Variants in CDC25A observed in about 807,000 individuals in gnomAD.
CDC25A encodes M-phase inducer phosphatase 1.
Under a neutral mutation model 64.6 loss-of-function variants are expected in CDC25A, and 17 were observed. That is an observed-to-expected ratio of 0.26 (90% CI 0.18 to 0.39). The LOEUF is 0.39. Ranked by LOEUF, CDC25A falls within the 10% of genes least tolerant of loss-of-function variation. CDC25A has a pLI of 1.00. For synonymous variants in CDC25A, 229 were observed against 238.6 expected (o/e 0.96, Z 0.37); for missense variants, 473 against 654.8 (o/e 0.72, Z 3.03).
chr3:48,181,781 C>T, intron 5 of CDC25A: 1 of 549,716 alleles, frequency 1.8e-6, no homozygotes, highest in Admixed American at 3.3e-5. Flanking sequence ...GAAATAAAAC[C>T]ATGAAGAATC....
At chr3:48,178,049 T>G in intron 6 of CDC25A, 61 bp from the exon 7 acceptor site, 1 of 1,482,818 alleles carries the variant, frequency 6.7e-7, no homozygotes, top group Non-Finnish European at 9.2e-7. Context: ...TTTCCTTGAA[T>G]GGGTCACTAG....
intron 5 of CDC25A, chr3:48,181,525 G>T (rs552597480): frequency 1.5e-6 from 2 of 1,337,132 alleles, no homozygotes; most frequent in Admixed American, 1.8e-5. Flanking sequence ...TCGGGGTCGC[G>T]GTCGGCACTG....
At chr3:48,162,654 T>C (rs1002771306) in intron 13 of CDC25A, among the ~76,000 whole-genome samples, 1 of 151,686 alleles carries the variant, frequency 6.6e-6, no homozygotes, top group Non-Finnish European at 1.5e-5. Context: ...GAGACCATCC[T>C]GGCTAAAATG....
chr3:48,170,454 G>A (rs148450433), intron 9 of CDC25A, among the ~76,000 whole-genome samples: 273 of 152,270 alleles, frequency 1.8e-3, no homozygotes, highest in African/African-American at 6.0e-3. Flanking sequence ...TATTATGAAG[G>A]ATATTCAAAG....
intron 6 of CDC25A, among the ~76,000 whole-genome samples, chr3:48,178,601 T>C (rs904181124): frequency 5.1e-4 from 77 of 152,184 alleles, no homozygotes; most frequent in Non-Finnish European, 5.9e-5. Flanking sequence ...GCTAATCCTT[T>C]CCTTTTTCTT....
intron 9 of CDC25A, among the ~76,000 whole-genome samples, 183 bp from the exon 10 acceptor site, chr3:48,168,127 T>C (rs2032108851): frequency 6.6e-6 from 1 of 150,524 alleles, no homozygotes; most frequent in Non-Finnish European, 1.5e-5. Flanking sequence ...CTAGGTCTCC[T>C]ATTATTCCAG....
chr3:48,163,282 T>TG (rs2031862047), intron 13 of CDC25A, among the ~76,000 whole-genome samples: 4 of 62,800 alleles, frequency 6.4e-5, no homozygotes, highest in African/African-American at 3.0e-4. Context: ...TGCCTCCGCC[T>TG]CAAAAAAAAA....
intron 6 of CDC25A, among the ~76,000 whole-genome samples, chr3:48,178,868 T>C (rs1451297406): frequency 6.6e-6 from 1 of 152,242 alleles, no homozygotes; most frequent in Non-Finnish European, 1.5e-5. Context: ...CAAACACTGC[T>C]AATACTGAAT....
Position 48,167,813 on chromosome 3 carries a change from T to TAAATACCC in CDC25A, c.1029+32_1029+33insGGGTATTT, listed in dbSNP as rs755384614. ...GATTCTAAATACCCACACTCCCTCC[T>TAAATACCC]ACACTTGCCAGAGCAGCTCTGCTTG... is the stretch of plus-strand genomic sequence containing the variant. On this transcript the variant is annotated intron_variant, in intron 10 of 14. Coordinates refer to ENST00000302506, the MANE Select transcript of CDC25A (RefSeq NM_001789.3). 5.0e-6 allele frequency: 6 copies of TAAATACCC among 1,200,094 alleles called. No homozygotes were observed. The East Asian group carries it at 1.4e-4, about 28-fold the overall frequency. 74.3% of individuals were successfully genotyped at this position (1,200,094 alleles called of 1,614,324 possible).
At chr3:48,173,304 A>C (rs2032337174) in intron 9 of CDC25A, among the ~76,000 whole-genome samples, 2 of 152,210 alleles carry the variant, frequency 1.3e-5, no homozygotes, top group African/African-American at 4.8e-5. Context: ...TATCTACAAC[A>C]AATGATAATA....
chr3:48,162,695 A>G (rs2031826642), intron 13 of CDC25A, among the ~76,000 whole-genome samples: 1 of 151,994 alleles, frequency 6.6e-6, no homozygotes, highest in Non-Finnish European at 1.5e-5. Context: ...AAAATACAAA[A>G]AAATTAGCCA....
At chr3:48,162,508 ACAGGTGCCAC>A (rs1045275958) in intron 13 of CDC25A, among the ~76,000 whole-genome samples, 8 of 151,866 alleles carry the variant, frequency 5.3e-5, no homozygotes, top group African/African-American at 1.9e-4. Context: ...TGTTGGGATT[ACAGGTGCCAC>A]TGTGCCCAGC....
chr3:48,173,599 C>G (rs1439901808), intron 9 of CDC25A, among the ~76,000 whole-genome samples: 2 of 152,184 alleles, frequency 1.3e-5, no homozygotes, highest in Admixed American at 1.3e-4. Flanking sequence ...GCCCAGCTGT[C>G]ATACAGTGCC....
rs542887546 is a variant in CDC25A at position 48,164,808 on chromosome 3, T to C, written c.1192-371A>G. ...CTATATTTAAACACTATTAATCGGG[T>C]AAAACATTAAAATGGCAGGCCAGGC... On this transcript the variant is annotated intron_variant, in intron 12 of 14. Transcript: ENST00000302506. Among the ~76,000 whole-genome samples, 290 of 151,940 alleles carry C rather than the reference T, an allele frequency of 1.9e-3. 3 individuals carry two copies. The highest frequency in any genetic ancestry group is 6.5e-3 in the African/African-American group (268 of 41,446).
In CDC25A at chr3:48,187,926, G is replaced by C; in HGVS notation, c.22C>G (p.Pro8Ala). ...GCGAAGAGCAGGCGGCGGCGGTGCG[G>C]GGGCTCCGGGCCCAGTTCCATGGCG... MELGPEP[P>A]HRRRLLFACS... Residue 8 changes from proline to alanine, a missense_variant, in exon 1 of 15, where the codon CCG (proline) becomes GCG (alanine). This residue lies in a region of CDC25A where 376 missense variants were observed against 431.9 expected (regional missense o/e 0.87). Coordinates refer to ENST00000302506, the MANE Select transcript of CDC25A (RefSeq NM_001789.3). 1 of 1,527,660 alleles carries C rather than the reference G, an allele frequency of 6.5e-7. No individual in the cohort carries two copies. The highest frequency in any genetic ancestry group is 2.3e-4 in the Middle Eastern group (1 of 4,312). The allele number at this position is 1,527,660 out of a possible 1,614,324, so 94.6% of individuals were successfully genotyped here.
chr3:48,186,625 C>T (rs766726183), intron 2 of CDC25A, 78 bp downstream of exon 2: 11 of 905,832 alleles, frequency 1.2e-5, no homozygotes, highest in Middle Eastern at 2.2e-4. Context: ...CAAGTTCTCA[C>T]CAAAACTAAC....
intron 13 of CDC25A, among the ~76,000 whole-genome samples, chr3:48,160,708 C>T (rs146493600): frequency 1.3e-5 from 2 of 152,256 alleles, no homozygotes; most frequent in Non-Finnish European, 2.9e-5. Flanking sequence ...GCTCTTCTCC[C>T]TCAGTATCTA....
chr3:48,182,351 A>C (rs1240463690), intron 5 of CDC25A, among the ~76,000 whole-genome samples: 1 of 152,180 alleles, frequency 6.6e-6, no homozygotes, highest in African/African-American at 2.4e-5. Flanking sequence ...AAAAATTACA[A>C]CTGTTTTGGA....
chr3:48,173,608 C>A (rs2032348691), intron 9 of CDC25A, among the ~76,000 whole-genome samples: 2 of 152,178 alleles, frequency 1.3e-5, no homozygotes, highest in Admixed American at 6.5e-5. Context: ...TCATACAGTG[C>A]CCCAGTCACC....
Sources: allele counts gnomAD v4.1 joint callset (sites outside exome capture counted in the v4.1 genomes callset), GRCh38; gene constraint gnomAD v4.1.1; regional missense constraint gnomAD v4.1.1; transcripts MANE v1.5; gene names NCBI Gene and HGNC (gene_info 2026-07-23, HGNC 2026-07-21).